CCDC30: variants seen among roughly 807,000 people sequenced by gnomAD.
CCDC30 encodes the protein coiled-coil domain-containing protein 30.
A neutral mutation model predicts 100.2 loss-of-function variants in CCDC30; 70 were observed. The observed-to-expected ratio is 0.70, with a 90% CI of 0.58 to 0.85. CCDC30 has a LOEUF of 0.85. Ranked by LOEUF, CCDC30 falls within the 40% of genes least tolerant of loss-of-function variation. The probability of loss-of-function intolerance (pLI) is 0.00; values close to 1 mark genes in which losing one functional copy is unlikely to be tolerated. For missense variants in CCDC30, 652 were observed against 771.2 expected, an observed-to-expected ratio of 0.85 and a Z score of 1.83; for synonymous variants, 233 against 269.5, an observed-to-expected ratio of 0.86 and a Z score of 1.33.
At chr1:42,600,347 C>A (rs1027966552) in intron 10 of CCDC30, among the ~76,000 whole-genome samples, 2 of 152,094 alleles carry the variant, frequency 1.3e-5, no homozygotes, top group South Asian at 2.1e-4. Context: ...TCACTGTTAT[C>A]ATTGCAGATT....
chr1:42,628,286 C>G (rs550104908), intron 11 of CCDC30, among the ~76,000 whole-genome samples: 1 of 152,232 alleles, frequency 6.6e-6, no homozygotes, highest in African/African-American at 2.4e-5. Context: ...ACCTGTACCC[C>G]CATTGTATCT....
At chr1:42,615,128 A>T (rs755261023) in intron 11 of CCDC30, among the ~76,000 whole-genome samples, 4 of 152,064 alleles carry the variant, frequency 2.6e-5, no homozygotes, top group Non-Finnish European at 5.9e-5. Flanking sequence ...AGGATTTTGG[A>T]TTGGGCCAAA....
chr1:42,512,733 C>T (rs991121121), intron 6 of CCDC30, among the ~76,000 whole-genome samples: 3 of 152,124 alleles, frequency 2.0e-5, no homozygotes, highest in African/African-American at 7.2e-5. Flanking sequence ...AGGTTGTTGC[C>T]CTGACCAGAA....
chr1:42,503,183 C>A (rs906182228), intron 6 of CCDC30, among the ~76,000 whole-genome samples: 1 of 152,176 alleles, frequency 6.6e-6, no homozygotes, highest in Non-Finnish European at 1.5e-5. Flanking sequence ...TACACCCCAC[C>A]CTTAGTGAAG....
intron 8 of CCDC30, among the ~76,000 whole-genome samples, chr1:42,577,593 A>C (rs1645867381): frequency 6.6e-6 from 1 of 152,118 alleles, no homozygotes; most frequent in African/African-American, 2.4e-5. Context: ...TTCATTGACA[A>C]ACAATTGTAC....
chr1:42,545,217 T>TA (rs55876180), intron 6 of CCDC30, among the ~76,000 whole-genome samples, 193 bp from the exon 9 acceptor site: 22 of 115,618 alleles, frequency 1.9e-4, no homozygotes, highest in Middle Eastern at 4.6e-3. Flanking sequence ...ATGCCTATGG[T>TA]AAAAAAAAAA....
chr1:42,457,933 C>T, the CCDC30 span, among the ~76,000 whole-genome samples: 24 of 144,534 alleles, frequency 1.7e-4, no homozygotes, highest in African/African-American at 5.7e-4. Context: ...CCAGCCCGGG[C>T]GACGAGAGCG....
chr1:42,511,730 A>AT (rs1644480739), intron 6 of CCDC30, among the ~76,000 whole-genome samples: 1 of 152,050 alleles, frequency 6.6e-6, no homozygotes, highest in Non-Finnish European at 1.5e-5. Context: ...AGAATTTGGC[A>AT]AAGGGACGAC....
At chr1:42,504,153 C>G (rs904743228) in intron 6 of CCDC30, among the ~76,000 whole-genome samples, 1 of 152,242 alleles carries the variant, frequency 6.6e-6, no homozygotes, top group Non-Finnish European at 1.5e-5. Context: ...GTCCTTAAGG[C>G]ACAGATCGCT....
At chr1:42,494,179 A>G (rs1644192175) in intron 4 of CCDC30, among the ~76,000 whole-genome samples, 1 of 152,262 alleles carries the variant, frequency 6.6e-6, no homozygotes, top group Non-Finnish European at 1.5e-5. Flanking sequence ...GGAACAGAAC[A>G]GAGCCCTCAG....
intron 6 of CCDC30, among the ~76,000 whole-genome samples, chr1:42,546,399 A>AAAT (rs1645138466): frequency 8.4e-5 from 1 of 11,968 alleles, no homozygotes; most frequent in African/African-American, 2.0e-4. Context: ...AAAAAAAAAA[A>AAAT]ATATATATAT....
At chr1:42,556,330 A>C in intron 6 of CCDC30, 1 of 1,614,092 alleles carries the variant, frequency 6.2e-7, no homozygotes, top group South Asian at 1.1e-5. Flanking sequence ...GGCTTAGAGA[A>C]GAGCTGAGCC....
At chr1:42,620,883 A>G (rs140387123) in intron 11 of CCDC30, among the ~76,000 whole-genome samples, 43 of 152,326 alleles carry the variant, frequency 2.8e-4, no homozygotes, top group African/African-American at 9.9e-4. Context: ...TGGAGTTTCT[A>G]TACCCTCTCT....
intron 6 of CCDC30, among the ~76,000 whole-genome samples, chr1:42,499,694 A>G (rs1644279286): frequency 6.6e-6 from 1 of 152,086 alleles, no homozygotes; most frequent in Non-Finnish European, 1.5e-5. Flanking sequence ...TGTCCAGGCC[A>G]GTCTCAAACT....
intron 8 of CCDC30, among the ~76,000 whole-genome samples, chr1:42,577,895 C>T (rs1236833730): frequency 1.3e-5 from 2 of 152,114 alleles, no homozygotes; most frequent in Admixed American, 6.6e-5. Context: ...CCGCCTCGGC[C>T]TCCCAAAGTG....
At chr1:42,611,399 T>C (rs1157847180) in intron 11 of CCDC30, among the ~76,000 whole-genome samples, 1 of 152,106 alleles carries the variant, frequency 6.6e-6, no homozygotes, top group Non-Finnish European at 1.5e-5. Context: ...TCACATACTT[T>C]CCTCAGCCTG....
chr1:42,577,172 C>A, exon 8 of CCDC30: 1 of 1,614,082 alleles, frequency 6.2e-7, no homozygotes, highest in Non-Finnish European at 8.5e-7. Context: ...AATCACAGAA[C>A]AACCTACAGG....
At chr1:42,516,017 C>T (rs925977020) in intron 6 of CCDC30, among the ~76,000 whole-genome samples, 1 of 152,186 alleles carries the variant, frequency 6.6e-6, no homozygotes, top group Non-Finnish European at 1.5e-5. Context: ...TGTACAAATA[C>T]ATATTTGCAT....
intron 12 of CCDC30, among the ~76,000 whole-genome samples, chr1:42,642,087 G>A (rs1046183810): frequency 2.8e-4 from 43 of 151,986 alleles, no homozygotes; most frequent in Non-Finnish European, 4.7e-4. Flanking sequence ...TTAGCCGGGC[G>A]TAGTGGTGGG....
Sources: allele counts gnomAD v4.1 joint callset (sites outside exome capture counted in the v4.1 genomes callset), GRCh38; gene constraint gnomAD v4.1.1; transcripts MANE v1.5; gene names NCBI Gene and HGNC (gene_info 2026-07-23, HGNC 2026-07-21).